The following ARB2A variants were observed in gnomAD, a reference collection of about 807,000 sequenced individuals.
ARB2A encodes cotranscriptional regulator ARB2A.
At chr5:93,940,268 A>G in the ARB2A span, among the ~76,000 whole-genome samples, 4 of 152,170 alleles carry the variant, frequency 2.6e-5, no homozygotes, top group Middle Eastern at 6.8e-3. Context: ...AAGTATACCA[A>G]TTGTATTCCA....
the ARB2A span, among the ~76,000 whole-genome samples, chr5:93,950,788 C>A: frequency 6.6e-6 from 1 of 150,732 alleles, no homozygotes; most frequent in African/African-American, 2.4e-5. Flanking sequence ...ACTAAAAATA[C>A]AAAAAATTAG....
chr5:94,058,174 G>A, the ARB2A span, among the ~76,000 whole-genome samples: 1 of 150,892 alleles, frequency 6.6e-6, no homozygotes, highest in South Asian at 2.1e-4. Context: ...AAGCCTCCAA[G>A]AAAAAAAAGA....
chr5:93,933,198 T>C, the ARB2A span, among the ~76,000 whole-genome samples: 5 of 152,298 alleles, frequency 3.3e-5, no homozygotes, highest in African/African-American at 4.8e-5. Context: ...TTTTAAACTG[T>C]TGGTGGAAAT....
the ARB2A span, among the ~76,000 whole-genome samples, chr5:93,821,335 T>C: frequency 6.6e-6 from 1 of 152,138 alleles, no homozygotes; most frequent in Non-Finnish European, 1.5e-5. Flanking sequence ...TGTGTGTGTG[T>C]CATCTTTAAT....
the ARB2A span, among the ~76,000 whole-genome samples, chr5:94,107,415 T>C: frequency 1.3e-5 from 2 of 152,042 alleles, no homozygotes; most frequent in East Asian, 3.9e-4. Flanking sequence ...AATTTTTCAT[T>C]CATTAAACTA....
At chr5:94,028,876 G>A in the ARB2A span, among the ~76,000 whole-genome samples, 2 of 151,482 alleles carry the variant, frequency 1.3e-5, no homozygotes, top group Non-Finnish European at 2.9e-5. Flanking sequence ...CCATAATACC[G>A]TTATCTCCCT....
the ARB2A span, among the ~76,000 whole-genome samples, chr5:93,940,458 G>A: frequency 1.1e-4 from 16 of 151,864 alleles, no homozygotes; most frequent in Non-Finnish European, 1.9e-4. Context: ...TAGTAGATAT[G>A]TCTTTTTCAT....
At chr5:94,036,749 A>G in the ARB2A span, among the ~76,000 whole-genome samples, 1 of 152,112 alleles carries the variant, frequency 6.6e-6, no homozygotes, top group Non-Finnish European at 1.5e-5. Context: ...CTTCCTTGCT[A>G]TCCAATAAGA....
At chr5:93,868,392 C>T in the ARB2A span, among the ~76,000 whole-genome samples, 1 of 152,138 alleles carries the variant, frequency 6.6e-6, no homozygotes, top group Non-Finnish European at 1.5e-5. Flanking sequence ...CGTTACATTG[C>T]CATGCTATGT....
the ARB2A span, among the ~76,000 whole-genome samples, chr5:94,097,379 A>G: frequency 1.3e-5 from 2 of 152,274 alleles, no homozygotes; most frequent in East Asian, 3.9e-4. Context: ...ACTTCTGCAG[A>G]TGGGCTCTGA....
chr5:94,022,078 TAAC>T, the ARB2A span, among the ~76,000 whole-genome samples: 1 of 151,962 alleles, frequency 6.6e-6, no homozygotes, highest in South Asian at 2.1e-4. Context: ...CAAATAATAA[TAAC>T]AATAATTATC....
chr5:93,931,111 T>C, the ARB2A span, among the ~76,000 whole-genome samples: 1 of 152,146 alleles, frequency 6.6e-6, no homozygotes, highest in Non-Finnish European at 1.5e-5. Context: ...CTGTGTTAGT[T>C]TGCTGAGGAT....
At chr5:93,804,428 G>A in the ARB2A span, among the ~76,000 whole-genome samples, 4 of 151,760 alleles carry the variant, frequency 2.6e-5, no homozygotes. Context: ...TGAGCATAAT[G>A]CATTTTTAAT....
the ARB2A span, among the ~76,000 whole-genome samples, chr5:93,763,429 T>A: frequency 1.8e-4 from 28 of 151,912 alleles, no homozygotes; most frequent in Non-Finnish European, 2.6e-4. Context: ...TTAAACCAAC[T>A]AAGATCAAAA....
the ARB2A span, among the ~76,000 whole-genome samples, chr5:93,713,209 G>A: frequency 6.6e-6 from 1 of 152,254 alleles, no homozygotes; most frequent in Non-Finnish European, 1.5e-5. Context: ...GACAAATGGT[G>A]TCAGATCAAG....
At chr5:93,625,933 G>C in the ARB2A span, among the ~76,000 whole-genome samples, 1 of 152,134 alleles carries the variant, frequency 6.6e-6, no homozygotes, top group Non-Finnish European at 1.5e-5. Context: ...TTCTGCCTGT[G>C]AATGACTCTG....
the ARB2A span, among the ~76,000 whole-genome samples, chr5:94,024,985 T>A: frequency 2.0e-5 from 3 of 152,332 alleles, no homozygotes; most frequent in African/African-American, 7.2e-5. Flanking sequence ...AGGTCTGATA[T>A]GACAAGGCAG....
chr5:93,686,658 C>A, the ARB2A span, among the ~76,000 whole-genome samples: 1 of 152,104 alleles, frequency 6.6e-6, no homozygotes, highest in East Asian at 1.9e-4. Context: ...ATCTGCTAGG[C>A]CCCACTGTCC....
the ARB2A span, among the ~76,000 whole-genome samples, chr5:93,772,119 T>C: frequency 6.6e-6 from 1 of 152,206 alleles, no homozygotes; most frequent in African/African-American, 2.4e-5. Flanking sequence ...TGGAATACTA[T>C]GCAGCCGTAA....
Sources: gnomAD v4.1 joint callset for allele counts (sites outside exome capture counted in the v4.1 genomes callset) on GRCh38, gnomAD v4.1.1 for gene constraint, MANE v1.5 for transcripts, NCBI Gene and HGNC (gene_info 2026-07-23, HGNC 2026-07-21) for gene names.